PDZRN4: variants seen among roughly 807,000 people sequenced by gnomAD.
The protein encoded by PDZRN4 is PDZ domain-containing RING finger protein 4.
Under a neutral mutation model 99.0 loss-of-function variants are expected in PDZRN4, and 70 were observed. The ratio of observed to expected loss-of-function variants is 0.71; its 90% CI spans 0.58 to 0.86. The LOEUF is 0.86. Among genes scored for constraint, PDZRN4 ranks in the 40% least tolerant of loss-of-function variants. PDZRN4 has a pLI of 0.00. For missense variants in PDZRN4, 1,474 were observed against 1,331.2 expected (o/e 1.11, Z -1.67); for synonymous variants, 551 against 501.6 (o/e 1.10, Z -1.32).
At chr12:41,279,075 G>A (rs1294648438) in intron 3 of PDZRN4, among the ~76,000 whole-genome samples, 1 of 152,194 alleles carries the variant, frequency 6.6e-6, no homozygotes, top group Non-Finnish European at 1.5e-5. Context: ...CTTGTTAAGT[G>A]ACTCTCAAAG....
chr12:41,305,006 G>A (rs1156283468), intron 3 of PDZRN4, among the ~76,000 whole-genome samples: 3 of 152,224 alleles, frequency 2.0e-5, no homozygotes, highest in African/African-American at 7.2e-5. Context: ...AGATTAAAAG[G>A]CAAAGGTGGT....
rs758904817 is a variant in PDZRN4 at position 41,205,633 on chromosome 12, C to T, written c.843+11445C>T. Among the ~76,000 whole-genome samples, 3 of 151,944 alleles carry T rather than the reference C, an allele frequency of 2.0e-5. No individual in the cohort carries two copies. The South Asian group carries it at 6.2e-4, about 31-fold the overall frequency. On this transcript the variant is annotated intron_variant, in intron 3 of 9. Coordinates refer to ENST00000402685, the MANE Select transcript of PDZRN4 (RefSeq NM_001164595.2). ...CTACTCAGCTCAGATATCACCATTG[C>T]AGACAAGCCTCCTCTGTCTTTCCTG... is the stretch of plus-strand genomic sequence containing the variant.
intron 3 of PDZRN4, among the ~76,000 whole-genome samples, chr12:41,475,998 A>T (rs970980726): frequency 2.0e-5 from 3 of 152,144 alleles, no homozygotes; most frequent in Admixed American, 1.3e-4. Flanking sequence ...AATCCTCCTT[A>T]GCACCCAGCA....
chr12:41,332,985 G>C (rs751869765), intron 3 of PDZRN4, among the ~76,000 whole-genome samples: 7 of 152,076 alleles, frequency 4.6e-5, no homozygotes, highest in Non-Finnish European at 1.0e-4. Context: ...ACTATCGACA[G>C]TTTAGTAAAC....
At chr12:41,344,868 G>T (rs1430936173) in intron 3 of PDZRN4, among the ~76,000 whole-genome samples, 1 of 151,352 alleles carries the variant, frequency 6.6e-6, no homozygotes, top group East Asian at 1.9e-4. Flanking sequence ...TTTCAAACAT[G>T]TTTCAAGAAA....
At chr12:41,412,563 C>A (rs1222152382) in intron 3 of PDZRN4, 1 of 152,048 alleles carries the variant, frequency 6.6e-6, no homozygotes, top group African/African-American at 2.4e-5. Context: ...TAGATAAATA[C>A]TCAGTAAACA....
intron 3 of PDZRN4, among the ~76,000 whole-genome samples, chr12:41,340,809 C>T (rs1951810720): frequency 6.6e-6 from 1 of 151,806 alleles, no homozygotes; most frequent in African/African-American, 2.4e-5. Flanking sequence ...AGAACTAATA[C>T]TAAGTCCCCT....
intron 3 of PDZRN4, among the ~76,000 whole-genome samples, chr12:41,217,917 A>T (rs1462018981): frequency 6.6e-6 from 1 of 152,086 alleles, no homozygotes; most frequent in South Asian, 2.1e-4. Context: ...TGATTCATAT[A>T]AACTTCCCAC....
At chr12:41,220,489 G>A (rs899968784) in intron 3 of PDZRN4, among the ~76,000 whole-genome samples, 3 of 152,152 alleles carry the variant, frequency 2.0e-5, no homozygotes, top group Non-Finnish European at 2.9e-5. Context: ...GAAAGGGGAT[G>A]TAATTTAGCA....
At chr12:41,321,600 T>G (rs1951678125) in intron 3 of PDZRN4, among the ~76,000 whole-genome samples, 1 of 152,234 alleles carries the variant, frequency 6.6e-6, no homozygotes, top group South Asian at 2.1e-4. Flanking sequence ...GTTCATAATC[T>G]ATTTATTCAG....
At position 41,265,015 on chromosome 12, in the gene PDZRN4, G is replaced by A. The variant is rs185597282; in HGVS notation, c.843+70827G>A. On this transcript the variant is annotated intron_variant, in intron 3 of 9. Coordinates refer to ENST00000402685, the MANE Select transcript of PDZRN4 (RefSeq NM_001164595.2). Reference sequence around the variant, plus strand: ...GTACTATGTTCACTATTTGGGTGACGGGTTCAATTGAAGCCCAGACCTCAG... The same window carrying A: ...GTACTATGTTCACTATTTGGGTGACAGGTTCAATTGAAGCCCAGACCTCAG... 2.5e-3 allele frequency among the ~76,000 whole-genome samples: 383 copies of A among 152,222 alleles called. 1 individual carries two copies. The highest frequency in any genetic ancestry group is 7.7e-3 in the South Asian group (37 of 4,814).
At position 41,574,374 on chromosome 12, in the gene PDZRN4, C is replaced by T. The variant is rs935344971; in HGVS notation, c.*484C>T. On this transcript the variant is annotated 3_prime_UTR_variant, in exon 10 of 10. Coordinates refer to ENST00000402685, the MANE Select transcript of PDZRN4 (RefSeq NM_001164595.2). The stretch of plus-strand genomic sequence containing the variant: ...CCACATCTTGTCTTACACATAAAAG[C>T]CACTGCTTTTAACATCCCATTGTAC... The T allele has an allele frequency of 6.5e-6, 1 of 152,924 alleles. No individual in the cohort carries two copies. The highest frequency in any genetic ancestry group is 1.5e-5 in the Non-Finnish European group (1 of 68,292). 9.5% of individuals were successfully genotyped at this position (152,924 alleles called of 1,614,324 possible).
chr12:41,472,049 C>G (rs1477531010), intron 3 of PDZRN4, among the ~76,000 whole-genome samples: 5 of 149,974 alleles, frequency 3.3e-5, no homozygotes, highest in Non-Finnish European at 7.4e-5. Context: ...CTTGCCCAGG[C>G]TGGAGTGCAG....
At chr12:41,364,472 C>T (rs1430588731) in intron 3 of PDZRN4, among the ~76,000 whole-genome samples, 2 of 152,040 alleles carry the variant, frequency 1.3e-5, no homozygotes, top group African/African-American at 4.8e-5. Flanking sequence ...AGATATGCGT[C>T]AGTGTCACTT....
chr12:41,459,451 GA>G (rs1285061049), intron 3 of PDZRN4, among the ~76,000 whole-genome samples: 3 of 152,154 alleles, frequency 2.0e-5, no homozygotes. Flanking sequence ...TGAACATTCA[GA>G]AATTGGAAGC....
chr12:41,493,905 G>C (rs11180957), intron 3 of PDZRN4, among the ~76,000 whole-genome samples: 2 of 148,238 alleles, frequency 1.3e-5, no homozygotes, highest in Non-Finnish European at 3.0e-5. Flanking sequence ...AAATAATGGG[G>C]GGGGGGATTC....
At chr12:41,508,521 A>G (rs1021527995) in intron 4 of PDZRN4, among the ~76,000 whole-genome samples, 2 of 152,168 alleles carry the variant, frequency 1.3e-5, no homozygotes, top group Admixed American at 1.3e-4. Flanking sequence ...GAATGAATAA[A>G]GTGTTCCTCA....
chr12:41,460,919 T>A (rs2608711), intron 3 of PDZRN4, among the ~76,000 whole-genome samples: 89,777 of 152,042 alleles, frequency 0.59, 29,044 homozygotes, highest in African/African-American at 0.88. Flanking sequence ...GCAAAAGTTC[T>A]TTGGAGTTTC....
intron 3 of PDZRN4, among the ~76,000 whole-genome samples, chr12:41,320,123 C>G (rs552257672): frequency 1.5e-3 from 235 of 152,332 alleles, no homozygotes; most frequent in African/African-American, 5.1e-3. Flanking sequence ...ACAGCCCCAC[C>G]TAGGGGCTGA....
Sources: gnomAD v4.1 joint callset for allele counts (sites outside exome capture counted in the v4.1 genomes callset) on GRCh38, gnomAD v4.1.1 for gene constraint, MANE v1.5 for transcripts, NCBI Gene and HGNC (gene_info 2026-07-23, HGNC 2026-07-21) for gene names.